The following CARNMT1 variants were observed in gnomAD, a reference collection of about 807,000 sequenced individuals.
The protein encoded by CARNMT1 is carnosine N-methyltransferase 1, also known as protein-L-histidine N-pros-methyltransferase CARNMT1.
In CARNMT1, 28 loss-of-function variants were observed where a neutral mutation model predicts 49.6. The ratio of observed to expected loss-of-function variants is 0.56; its 90% CI spans 0.42 to 0.77. The LOEUF is 0.77. Among genes scored for constraint, CARNMT1 ranks in the 30% least tolerant of loss-of-function variants. The probability of loss-of-function intolerance (pLI) is 0.00; values close to 1 mark genes in which losing one functional copy is unlikely to be tolerated. For missense variants in CARNMT1, 421 were observed against 512.6 expected, an observed-to-expected ratio of 0.82 and a Z score of 1.73; for synonymous variants, 178 against 175.0, an observed-to-expected ratio of 1.02 and a Z score of -0.13.
In CARNMT1 at chr9:75,016,674, A is replaced by C; in HGVS notation, c.427-243T>G. On this transcript the variant is annotated intron_variant, in intron 2 of 7. Transcript: ENST00000376834. ...ACCACCATATAATTAAGCAGTCTTT[A>C]CTCAGGAGAGGACCAAACTGAGCTG... is the stretch of plus-strand genomic sequence containing the variant. 3 of 443,132 alleles carry C rather than the reference A, an allele frequency of 6.8e-6. No individual in the cohort carries two copies. In the South Asian group the frequency reaches 1.1e-4, roughly 16 times the overall value. 27.5% of individuals were successfully genotyped at this position (443,132 alleles called of 1,614,324 possible). A position where few individuals can be genotyped will look rare whatever the true frequency, so the allele number is the denominator to read the frequency against.
chr9:75,013,572 GA>G (rs71497372), intron 3 of CARNMT1, among the ~76,000 whole-genome samples: 7,371 of 146,054 alleles, frequency 0.05, 226 homozygotes, highest in Middle Eastern at 0.095. Flanking sequence ...CTTCAGCTGG[GA>G]AAAAAAAAAA....
chr9:75,005,827 A>AACAC (rs10569961), intron 3 of CARNMT1, among the ~76,000 whole-genome samples: 14,256 of 135,616 alleles, frequency 0.11, 906 homozygotes, highest in Non-Finnish European at 0.14. Context: ...GTGAAATTAA[A>AACAC]ACACACACAC....
intron 1 of CARNMT1, among the ~76,000 whole-genome samples, chr9:75,026,722 T>C (rs1446504237): frequency 1.3e-5 from 2 of 152,230 alleles, no homozygotes; most frequent in Admixed American, 6.5e-5. Flanking sequence ...CTATCACATA[T>C]ACAATCAGAT....
chr9:75,023,190 C>T (rs541263750), intron 1 of CARNMT1, among the ~76,000 whole-genome samples: 1 of 151,558 alleles, frequency 6.6e-6, no homozygotes, highest in Non-Finnish European at 1.5e-5. Context: ...AATGCCTCTT[C>T]TCCTAGTCCC....
intron 6 of CARNMT1, among the ~76,000 whole-genome samples, chr9:74,995,778 T>C (rs1015911396): frequency 6.6e-5 from 10 of 152,174 alleles, no homozygotes; most frequent in Non-Finnish European, 1.3e-4. Context: ...GAACACAGAT[T>C]ATATATCTCA....
At chr9:75,026,941 A>G (rs796164881) in intron 1 of CARNMT1, 38 of 454,860 alleles carry the variant, frequency 8.4e-5, no homozygotes, top group African/African-American at 7.2e-4. Context: ...GCCCTTGAGG[A>G]GGTCACAGCA....
At chr9:75,003,086 T>G (rs1394871762) in intron 3 of CARNMT1, among the ~76,000 whole-genome samples, 2 of 152,114 alleles carry the variant, frequency 1.3e-5, no homozygotes, top group Non-Finnish European at 2.9e-5. Flanking sequence ...TCAGGAGTGT[T>G]TAGCATCTCC....
intron 6 of CARNMT1, among the ~76,000 whole-genome samples, chr9:74,992,369 T>C (rs1008346577): frequency 2.6e-5 from 4 of 152,228 alleles, no homozygotes; most frequent in Non-Finnish European, 4.4e-5. Flanking sequence ...CCTTTGGTAC[T>C]TTTACCAGAT....
At chr9:74,989,133 T>C (rs1045627326) in intron 6 of CARNMT1, among the ~76,000 whole-genome samples, 2 of 152,164 alleles carry the variant, frequency 1.3e-5, no homozygotes, top group African/African-American at 4.8e-5. Flanking sequence ...TTACTGAGTG[T>C]TGGAGTTTTG....
At position 74,984,968 on chromosome 9, in the gene CARNMT1, G is replaced by C; in HGVS notation, c.1067C>G (p.Ser356Cys). ...TATATCCTCATAGCTCAATTCTATG[G>C]AAAGTTCATTTGCCAGATTTTCAAA... ...YHFENLANEL[S>C]IELSYEDIKN... Residue 356 changes from serine (S) to cysteine (C), a missense_variant, in exon 7 of 8, where the codon TCC (serine) becomes TGC (cysteine). Ser to Cys is a moderately radical substitution (Grantham distance 112). Around this residue, in one of 2 missense-constraint regions of CARNMT1, gnomAD observed 235 missense variants for 344.8 expected, o/e 0.68. Coordinates refer to ENST00000376834, the MANE Select transcript of CARNMT1 (RefSeq NM_152420.3). 2 of 1,613,812 alleles carry C rather than the reference G, an allele frequency of 1.2e-6. No homozygotes were observed. Among genetic ancestry groups the C allele is most frequent in the South Asian group, 1.1e-5 (1 of 91,076 alleles).
chr9:75,017,932 A>C (rs1372361854), intron 1 of CARNMT1, among the ~76,000 whole-genome samples: 1 of 152,192 alleles, frequency 6.6e-6, no homozygotes, highest in Non-Finnish European at 1.5e-5. Flanking sequence ...GCAAATAAAA[A>C]ATTAAAATTC....
At chr9:75,009,009 C>T (rs1462079591) in intron 3 of CARNMT1, among the ~76,000 whole-genome samples, 1 of 150,738 alleles carries the variant, frequency 6.6e-6, no homozygotes, top group African/African-American at 2.4e-5. Context: ...CATACATGGT[C>T]CACTAATTTT....
chr9:75,006,412 T>C (rs926748871), intron 3 of CARNMT1, among the ~76,000 whole-genome samples: 6 of 152,198 alleles, frequency 3.9e-5, no homozygotes, highest in Non-Finnish European at 5.9e-5. Context: ...GATTTTAATA[T>C]TGATGCAGCC....
intron 6 of CARNMT1, among the ~76,000 whole-genome samples, chr9:74,993,942 T>A (rs944480291): frequency 6.6e-6 from 1 of 152,186 alleles, no homozygotes; most frequent in Non-Finnish European, 1.5e-5. Flanking sequence ...CTATTGACTG[T>A]TTGTGTCCCC....
chr9:74,990,505 T>C (rs192692750), intron 6 of CARNMT1, among the ~76,000 whole-genome samples: 2 of 152,334 alleles, frequency 1.3e-5, no homozygotes, highest in East Asian at 3.9e-4. Context: ...TGTTTAGTTT[T>C]TCTTAAGGCC....
intron 3 of CARNMT1, among the ~76,000 whole-genome samples, chr9:75,000,984 C>T (rs954185631): frequency 1.8e-4 from 28 of 152,158 alleles, no homozygotes; most frequent in Admixed American, 3.3e-4. Flanking sequence ...TCAGACCTAA[C>T]GCTCTCTCAT....
At chr9:75,025,753 A>G (rs1368608980) in intron 1 of CARNMT1, among the ~76,000 whole-genome samples, 1 of 152,224 alleles carries the variant, frequency 6.6e-6, no homozygotes, top group African/African-American at 2.4e-5. Context: ...TTAAGGGTCA[A>G]CTGTACTTGC....
chr9:74,984,149 G>A (rs1185594562), intron 7 of CARNMT1, among the ~76,000 whole-genome samples: 1 of 152,008 alleles, frequency 6.6e-6, no homozygotes, highest in African/African-American at 2.4e-5. Context: ...CAAACCTATT[G>A]TTTCTAAAAT....
chr9:75,007,440 A>G (rs1330144582), intron 3 of CARNMT1, among the ~76,000 whole-genome samples: 2 of 152,084 alleles, frequency 1.3e-5, no homozygotes, highest in African/African-American at 4.8e-5. Context: ...AAACTTTAAG[A>G]AAATTTGGCT....
Sources: allele counts gnomAD v4.1 joint callset (sites outside exome capture counted in the v4.1 genomes callset), GRCh38; gene constraint gnomAD v4.1.1; regional missense constraint gnomAD v4.1.1; transcripts MANE v1.5; gene names NCBI Gene and HGNC (gene_info 2026-07-23, HGNC 2026-07-21).